Variants in ITGB2 observed in about 807,000 individuals in gnomAD.
The protein encoded by ITGB2 is integrin subunit beta 2.
A neutral mutation model predicts 86.8 loss-of-function variants in ITGB2; 56 were observed. The ratio of observed to expected loss-of-function variants is 0.65; its 90% CI spans 0.52 to 0.81. The LOEUF is 0.81. Ranked by LOEUF, ITGB2 falls within the 30% of genes least tolerant of loss-of-function variation. ITGB2 has a pLI of 0.00. For synonymous variants in ITGB2, 457 were observed against 450.4 expected, an observed-to-expected ratio of 1.01 and a Z score of -0.19; for missense variants, 948 against 1,061.2, an observed-to-expected ratio of 0.89 and a Z score of 1.48.
chr21:44,892,096 G>A (rs1289987664), intron 10 of ITGB2, 100 bp from the exon 11 acceptor site: 2 of 1,184,696 alleles, frequency 1.7e-6, no homozygotes, highest in African/African-American at 3.0e-5. Flanking sequence ...GTCCTGGGGG[G>A]TTCAGCGTGG....
At chr21:44,906,153 TTCCCTCCCTTCCC>T (rs141664061) in intron 4 of ITGB2, among the ~76,000 whole-genome samples, 26,516 of 119,078 alleles carry the variant, frequency 0.22, 2,663 homozygotes, top group Middle Eastern at 0.29. Flanking sequence ...CTTCCCTCCC[TTCCCTCCCTTCCC>T]TCCCTCCCTT....
chr21:44,910,509 C>T, intron 2 of ITGB2, 137 bp from the exon 3 acceptor site: 1 of 1,535,112 alleles, frequency 6.5e-7, no homozygotes, highest in Non-Finnish European at 8.8e-7. Context: ...GCATTCGCCA[C>T]CACCCCCAGG....
At position 44,889,445 on chromosome 21, in the gene ITGB2, C is replaced by T. The variant is rs1357172642; in HGVS notation, c.1708G>A (p.Gly570Ser). ...GTCCTCTCGCACTGGCACGCTGAGC[C>T]CTCAAAGCCCGGGTGGCAGCGGCAC... ...GKCRCHPGFEGSACQCERTTE... is the reference protein window; with the variant it reads ...GKCRCHPGFESSACQCERTTE... The change falls in exon 13 of 16, where the codon GGC becomes AGC. Residue 570 changes from glycine to serine, a missense_variant. Gly to Ser is a moderately conservative substitution (Grantham distance 56). Coordinates refer to ENST00000652462, the MANE Select transcript of ITGB2 (RefSeq NM_000211.5). 1 of 1,603,996 alleles carries T rather than the reference C, an allele frequency of 6.2e-7. No individual in the cohort carries two copies. The highest frequency in any genetic ancestry group is 1.7e-5 in the Admixed American group (1 of 58,658).
chr21:44,886,789 G>T lies in ITGB2; in HGVS notation c.2194C>A (p.Leu732Ile). The change falls in exon 15 of 16, where the codon CTC becomes ATC. Residue 732 changes from leucine (L) to isoleucine (I), a missense_variant. Coordinates refer to ENST00000652462, the MANE Select transcript of ITGB2 (RefSeq NM_000211.5). ...IWKALIHLSD[L>I]REYRRFEKEK... ...TTCTCAAAGCGCCTGTACTCCCGGAGGTCGCTCAGGTGGATCAGAGCCTTC... is the reference window on the plus strand; with the variant it reads ...TTCTCAAAGCGCCTGTACTCCCGGATGTCGCTCAGGTGGATCAGAGCCTTC... The T allele has an allele frequency of 6.2e-7, 1 of 1,614,038 alleles. No homozygotes were observed. Among genetic ancestry groups the T allele is most frequent in the East Asian group, 2.2e-5 (1 of 44,884 alleles).
Position 44,886,719 on chromosome 21 carries a change from C to T in ITGB2, c.2247+17G>A, listed in dbSNP as rs1305370113. 1.9e-6 allele frequency: 3 copies of T among 1,613,860 alleles called. No individual in the cohort carries two copies. Among genetic ancestry groups the T allele is most frequent in the Non-Finnish European group, 2.5e-6 (3 of 1,180,004 alleles). On this transcript the variant is annotated intron_variant, in intron 15 of 15. Coordinates refer to ENST00000652462, the MANE Select transcript of ITGB2 (RefSeq NM_000211.5). Reference sequence around the variant, plus strand: ...CACGTGCCCCTCTGCGTGGGACCCCCAAGGACGGCCACTTACATTGTTCCA... The same window carrying T: ...CACGTGCCCCTCTGCGTGGGACCCCTAAGGACGGCCACTTACATTGTTCCA...
chr21:44,923,680 T>C (rs934585943), upstream of ITGB2, among the ~76,000 whole-genome samples: 1 of 152,192 alleles, frequency 6.6e-6, no homozygotes, highest in Non-Finnish European at 1.5e-5. Context: ...TTTTGCAAGA[T>C]GAAATGGTTT....
In ITGB2 at chr21:44,886,543, G is replaced by T. The variant is rs931913864; in HGVS notation, c.2248-113C>A. The T allele has an allele frequency of 5.7e-6, 8 of 1,413,164 alleles. No homozygotes were observed. In the Admixed American group the frequency reaches 8.4e-5, roughly 15 times the overall value. The allele number at this position is 1,413,164 out of a possible 1,614,324, so 87.5% of individuals were successfully genotyped here. A position where few individuals can be genotyped will look rare whatever the true frequency, so the allele number is the denominator to read the frequency against. ...CCGTCACTTTGAGGAAGAGCTAGAC[G>T]TGGGGCAGCCCCCCCAGGGTCCCAG... On this transcript the variant is annotated intron_variant, in intron 15 of 15. Coordinates refer to ENST00000652462, the MANE Select transcript of ITGB2 (RefSeq NM_000211.5).
At chr21:44,898,285 G>A (rs977069848) in intron 8 of ITGB2, among the ~76,000 whole-genome samples, 6 of 152,266 alleles carry the variant, frequency 3.9e-5, no homozygotes, top group Admixed American at 1.3e-4. Flanking sequence ...AGGATGGAGC[G>A]CCGCCCACAC....
chr21:44,916,718 A>G (rs962806708), intron 1 of ITGB2, among the ~76,000 whole-genome samples: 13 of 151,842 alleles, frequency 8.6e-5, no homozygotes, highest in African/African-American at 2.7e-4. Context: ...AAATACATAA[A>G]TTAGCTGGGC....
chr21:44,904,459 A>G (rs1196747393), intron 4 of ITGB2, among the ~76,000 whole-genome samples: 1 of 151,862 alleles, frequency 6.6e-6, no homozygotes, highest in Admixed American at 6.6e-5. Context: ...ATATACACGC[A>G]CATGGCACCC....
chr21:44,913,499 T>C (rs904601707), intron 1 of ITGB2, among the ~76,000 whole-genome samples: 4 of 152,128 alleles, frequency 2.6e-5, no homozygotes, highest in Non-Finnish European at 2.9e-5. Context: ...GGAAGGGGGC[T>C]GGTGGGGAGC....
chr21:44,900,610 G>T, intron 6 of ITGB2, 135 bp from the exon 7 acceptor site: 1 of 1,082,198 alleles, frequency 9.2e-7, no homozygotes, highest in Non-Finnish European at 1.3e-6. Flanking sequence ...CTGGGTCTCA[G>T]GGACCCAGCT....
At position 44,888,759 on chromosome 21, in the gene ITGB2, C is replaced by A. The variant is rs1329622817; in HGVS notation, c.2014G>T (p.Val672Leu). 1 of 1,611,814 alleles carries A rather than the reference C, an allele frequency of 6.2e-7. No homozygotes were observed. The highest frequency in any genetic ancestry group is 2.2e-5 in the East Asian group (1 of 44,894). Residue 672 changes from valine to leucine, a missense_variant, in exon 14 of 16, where the codon GTG becomes TTG. Physicochemically the swap from Val to Leu is conservative, Grantham distance 32. Transcript: ENST00000652462. ...CKERDSEGCWVAYTLEQQDGM... is the reference protein window; with the variant it reads ...CKERDSEGCWLAYTLEQQDGM... ...TCCTGCTGCTCCAGCGTGTAGGCCA[C>A]CCAGCAGCCCTCTGAGTCCCTCTCC...
Position 44,899,152 on chromosome 21 carries a change from G to A in ITGB2, c.908C>T (p.Ser303Leu), listed in dbSNP as rs758627354. ...YKRSNEFDYP[S>L]VGQLAHKLAE... ...CAGCTTGTGCGCCAGCTGGCCCACC[G>A]ATGGGTAGTCCTGGAGAGAGGAGGT... The change falls in exon 8 of 16, where the codon TCG becomes TTG. Residue 303 changes from serine (S) to leucine (L), a missense_variant. Physicochemically the swap from Ser to Leu is moderately radical, Grantham distance 145. Transcript: ENST00000652462. 9 of 1,613,552 alleles carry A rather than the reference G, an allele frequency of 5.6e-6. No individual in the cohort carries two copies. The highest frequency in any genetic ancestry group is 1.3e-5 in the African/African-American group (1 of 74,930).
At chr21:44,914,980 G>C (rs1051174276) in intron 1 of ITGB2, among the ~76,000 whole-genome samples, 4 of 152,120 alleles carry the variant, frequency 2.6e-5, no homozygotes, top group African/African-American at 9.7e-5. Flanking sequence ...CAAGACAGCA[G>C]AGAGAGGGCA....
chr21:44,899,953 T>C (rs1437613857), intron 7 of ITGB2, among the ~76,000 whole-genome samples: 1 of 152,056 alleles, frequency 6.6e-6, no homozygotes, highest in Non-Finnish European at 1.5e-5. Context: ...GGCGGATGCT[T>C]GGGGATGGGA....
chr21:44,919,107 C>A (rs917581850), intron 1 of ITGB2, among the ~76,000 whole-genome samples: 11 of 142,810 alleles, frequency 7.7e-5, no homozygotes, highest in Non-Finnish European at 1.2e-4. Flanking sequence ...GCTGACAAAC[C>A]CCACAGCCCG....
chr21:44,900,178 C>A, intron 7 of ITGB2, 142 bp downstream of exon 7: 1 of 1,150,412 alleles, frequency 8.7e-7, no homozygotes, highest in South Asian at 1.4e-5. Flanking sequence ...CCCCACGCTG[C>A]CACTTGGGGC....
At chr21:44,920,925 C>T (rs539676990), upstream of ITGB2, 2 of 152,520 alleles carry the variant, frequency 1.3e-5, no homozygotes, top group Admixed American at 6.5e-5. Flanking sequence ...AGGCGCGGGT[C>T]GTAAAGTCCT....
Sources: gnomAD v4.1 joint callset for allele counts (sites outside exome capture counted in the v4.1 genomes callset) on GRCh38, gnomAD v4.1.1 for gene constraint, MANE v1.5 for transcripts, NCBI Gene and HGNC (gene_info 2026-07-23, HGNC 2026-07-21) for gene names.